MICAL3: variants seen among roughly 807,000 people sequenced by gnomAD.
MICAL3 encodes microtubule associated monooxygenase, calponin and LIM domain containing 3.
In MICAL3, 62 loss-of-function variants were observed where a neutral mutation model predicts 207.4. The ratio of observed to expected loss-of-function variants is 0.30; its 90% CI spans 0.24 to 0.37. The LOEUF is 0.37. Ranked by LOEUF, MICAL3 falls within the 10% of genes least tolerant of loss-of-function variation. The pLI is 1.00. For missense variants in MICAL3, 2,368 were observed against 2,635.6 expected, an observed-to-expected ratio of 0.90 and a Z score of 2.22; for synonymous variants, 1,077 against 1,069.3, an observed-to-expected ratio of 1.01 and a Z score of -0.14.
chr22:17,811,913 TAA>T (rs1436064581), intron 27 of MICAL3, among the ~76,000 whole-genome samples: 1 of 151,998 alleles, frequency 6.6e-6, no homozygotes, highest in African/African-American at 2.4e-5. Flanking sequence ...CCCGGACAAT[TAA>T]AACAATTTTT....
At chr22:17,930,744 A>G (rs1933207224) in intron 1 of MICAL3, among the ~76,000 whole-genome samples, 1 of 152,238 alleles carries the variant, frequency 6.6e-6, no homozygotes, top group African/African-American at 2.4e-5. Flanking sequence ...AGTCTGAGTT[A>G]GAATTGGCCA....
At chr22:17,832,157 A>AGAAGGG (rs1024544286) in intron 20 of MICAL3, 50 bp from the exon 21 acceptor site, 3 of 1,542,742 alleles carry the variant, frequency 1.9e-6, no homozygotes, top group Admixed American at 3.9e-5. Flanking sequence ...AGAAAAACTG[A>AGAAGGG]GAAGGGGAAG....
At chr22:17,869,291 T>A (rs1209176504) in intron 17 of MICAL3, among the ~76,000 whole-genome samples, 3 of 151,872 alleles carry the variant, frequency 2.0e-5, no homozygotes, top group East Asian at 1.9e-4. Context: ...ATCCCTCCGG[T>A]TGCTCTGTGG....
At chr22:18,007,795 T>C (rs1035632396) in intron 1 of MICAL3, among the ~76,000 whole-genome samples, 1 of 150,030 alleles carries the variant, frequency 6.7e-6, no homozygotes, top group African/African-American at 2.5e-5. Context: ...TGGTGGCGGG[T>C]GCCTGTAGTC....
At chr22:17,967,009 C>T (rs1490032938) in intron 1 of MICAL3, among the ~76,000 whole-genome samples, 1 of 152,172 alleles carries the variant, frequency 6.6e-6, no homozygotes, top group African/African-American at 2.4e-5. Flanking sequence ...GTAAGTACTT[C>T]CTGGGCACCC....
At chr22:17,931,064 C>A (rs1004767081) in intron 1 of MICAL3, among the ~76,000 whole-genome samples, 7 of 152,296 alleles carry the variant, frequency 4.6e-5, no homozygotes, top group African/African-American at 1.7e-4. Flanking sequence ...CCAACCACAC[C>A]AGTGCTTCAG....
chr22:18,021,272 AG>A (rs1197632657), intron 1 of MICAL3, among the ~76,000 whole-genome samples: 1 of 152,254 alleles, frequency 6.6e-6, no homozygotes, highest in Non-Finnish European at 1.5e-5. Flanking sequence ...CTGGGCTGGC[AG>A]CCCTCACATG....
chr22:17,843,619 G>C (rs1924304688), intron 19 of MICAL3, among the ~76,000 whole-genome samples: 1 of 152,192 alleles, frequency 6.6e-6, no homozygotes. Context: ...GGTGCGTGTT[G>C]ACCCTGCACC....
At chr22:17,906,206 C>T (rs781503498) in intron 2 of MICAL3, among the ~76,000 whole-genome samples, 2 of 152,198 alleles carry the variant, frequency 1.3e-5, no homozygotes, top group Non-Finnish European at 2.9e-5. Context: ...ACTTTGAACG[C>T]TCAATATGTA....
chr22:18,008,223 G>A (rs1923525469), intron 1 of MICAL3, among the ~76,000 whole-genome samples: 1 of 151,946 alleles, frequency 6.6e-6, no homozygotes, highest in South Asian at 2.1e-4. Flanking sequence ...TGGGTAAAAA[G>A]AGCGAAACTC....
intron 1 of MICAL3, among the ~76,000 whole-genome samples, chr22:17,916,055 CAAAAAAAAAAA>C (rs755146574): frequency 8.8e-4 from 51 of 57,834 alleles, no homozygotes; most frequent in African/African-American, 2.6e-3. Context: ...GATCCAGTCT[CAAAAAAAAAAA>C]AAAAAAAAAA....
Position 17,851,812 on chromosome 22 carries a change from C to T in MICAL3, c.2606-9795G>A, listed in dbSNP as rs534712126. On this transcript the variant is annotated intron_variant, in intron 19 of 31. Transcript: ENST00000441493. ...TCAAAGTTCTGAAAAGAGACTACCT[C>T]GAATGGCTCGATGTCCTGACACAAG... Among the ~76,000 whole-genome samples, 13 of 152,326 alleles carry T rather than the reference C, an allele frequency of 8.5e-5. No individual in the cohort carries two copies. The South Asian group carries it at 1.9e-3, about 22-fold the overall frequency.
intron 2 of MICAL3, among the ~76,000 whole-genome samples, chr22:17,905,832 C>T (rs539428437): frequency 1.3e-5 from 2 of 152,306 alleles, no homozygotes; most frequent in African/African-American, 4.8e-5. Flanking sequence ...TTGCTTGGGC[C>T]TACCTGCTTC....
chr22:17,859,123 G>A (rs1569098360), intron 19 of MICAL3, among the ~76,000 whole-genome samples: 3 of 152,240 alleles, frequency 2.0e-5, no homozygotes, highest in East Asian at 1.9e-4. Flanking sequence ...CAGAACCATC[G>A]AGGCTCTGAG....
At chr22:17,904,049 T>A (rs1018673773) in intron 3 of MICAL3, among the ~76,000 whole-genome samples, 1 of 152,076 alleles carries the variant, frequency 6.6e-6, no homozygotes, top group Non-Finnish European at 1.5e-5. Flanking sequence ...AGCTTAGAGG[T>A]GACAAAAGAA....
At chr22:17,933,411 C>A (rs867586364) in intron 1 of MICAL3, among the ~76,000 whole-genome samples, 1 of 152,174 alleles carries the variant, frequency 6.6e-6, no homozygotes, top group South Asian at 2.1e-4. Context: ...TAAAGATGTT[C>A]TTTGAAACCA....
Position 17,789,725 on chromosome 22 carries a change from C to G in MICAL3, c.*1007G>C, listed in dbSNP as rs1483685034. 1 of 152,258 alleles carries G rather than the reference C, an allele frequency of 6.6e-6. No homozygotes were observed. Among genetic ancestry groups the G allele is most frequent in the African/African-American group, 2.4e-5 (1 of 41,466 alleles). The allele number at this position is 152,258 out of a possible 1,614,324, so 9.4% of individuals were successfully genotyped here. A position where few individuals can be genotyped will look rare whatever the true frequency, so the allele number is the denominator to read the frequency against. ...CCCGGACCAGGTCGCGTAGGACGCA[C>G]CAGATGCCGCTGTGGCTCCCGCACC... On this transcript the variant is annotated 3_prime_UTR_variant, in exon 32 of 32. Coordinates refer to ENST00000441493, the MANE Select transcript of MICAL3 (RefSeq NM_015241.3).
Position 17,900,980 on chromosome 22 carries a change from A to C in MICAL3, c.709T>G (p.Phe237Val). 6.2e-7 allele frequency: 1 copy of C among 1,614,058 alleles called. No individual in the cohort carries two copies. Residue 237 changes from phenylalanine to valine, a missense_variant, in exon 6 of 32, where the codon TTC becomes GTC. By Grantham distance (50) the Phe-to-Val change is conservative (BLOSUM62 -1). Around this residue, in one of 4 missense-constraint regions of MICAL3, gnomAD observed 400 missense variants for 547.0 expected, o/e 0.73. Transcript: ENST00000441493. This position sits in a 1 kb window ranked among gnomAD's most constrained non-coding sequence, Gnocchi z 4.0. ...NTLEGFRRKE[F>V]RGKLAIAITA... is the part of the protein sequence containing the mutation. ...ATGGCGATGGCCAGTTTGCCACGGA[A>C]TTCTTTCCGACGAAACCCTGGAGGG... is the stretch of plus-strand genomic sequence containing the variant.
chr22:17,823,236 G>T (rs1346643575), intron 22 of MICAL3, among the ~76,000 whole-genome samples, 176 bp from the exon 23 acceptor site: 1 of 152,224 alleles, frequency 6.6e-6, no homozygotes, highest in Admixed American at 6.5e-5. Context: ...GCTGGGGGGG[G>T]CCCGGGGCCC....
Sources: allele counts gnomAD v4.1 joint callset (sites outside exome capture counted in the v4.1 genomes callset), GRCh38; gene constraint gnomAD v4.1.1; regional missense constraint gnomAD v4.1.1; non-coding constraint Gnocchi (gnomAD v3.1); transcripts MANE v1.5; gene names NCBI Gene and HGNC (gene_info 2026-07-23, HGNC 2026-07-21).